Variants in MYRIP observed in about 807,000 individuals in gnomAD.
The protein encoded by MYRIP is rab effector MyRIP.
In MYRIP, 49 loss-of-function variants were observed where a neutral mutation model predicts 98.0. The ratio of observed to expected loss-of-function variants is 0.50; its 90% confidence interval spans 0.40 to 0.63. The LOEUF (loss-of-function observed/expected upper bound fraction) is 0.63. MYRIP is among the 30% of genes least tolerant of loss of function. The pLI is 0.00. For missense variants in MYRIP, 1,004 were observed against 1,058.2 expected, an observed-to-expected ratio of 0.95 and a Z score of 0.71; for synonymous variants, 404 against 409.5, an observed-to-expected ratio of 0.99 and a Z score of 0.16.
intron 3 of MYRIP, among the ~76,000 whole-genome samples, chr3:40,054,698 C>T (rs1032813446): frequency 6.6e-6 from 1 of 152,144 alleles, no homozygotes; most frequent in Admixed American, 6.6e-5. Flanking sequence ...AGCCTGCCAT[C>T]CACCCTACAA....
intron 2 of MYRIP, among the ~76,000 whole-genome samples, chr3:39,911,315 T>A (rs1459040886): frequency 2.0e-5 from 3 of 152,196 alleles, no homozygotes. Context: ...CTGATGCTCT[T>A]ATTTGCTTTT....
intron 11 of MYRIP, among the ~76,000 whole-genome samples, chr3:40,218,777 C>A (rs1952234455): frequency 6.6e-6 from 1 of 151,326 alleles, no homozygotes; most frequent in Admixed American, 6.6e-5. Flanking sequence ...GAAACATATT[C>A]TGTGTATAGA....
intron 1 of MYRIP, among the ~76,000 whole-genome samples, chr3:39,890,387 A>T (rs1943453083): frequency 6.6e-6 from 1 of 151,952 alleles, no homozygotes; most frequent in Non-Finnish European, 1.5e-5. Flanking sequence ...TCATTCATGG[A>T]TGTCATTTAT....
At chr3:39,990,198 G>A (rs1482370788) in intron 2 of MYRIP, among the ~76,000 whole-genome samples, 1 of 152,226 alleles carries the variant, frequency 6.6e-6, no homozygotes, top group Non-Finnish European at 1.5e-5. Flanking sequence ...TTTCCAGGCT[G>A]GGTAGTATGC....
chr3:40,004,881 A>G (rs1268160327), intron 2 of MYRIP, among the ~76,000 whole-genome samples: 2 of 152,118 alleles, frequency 1.3e-5, no homozygotes, highest in Admixed American at 1.3e-4. Flanking sequence ...TATTGATCCC[A>G]TCACCCAGTT....
chr3:40,253,757 AG>A (rs1953474590), intron 16 of MYRIP, among the ~76,000 whole-genome samples: 1 of 152,320 alleles, frequency 6.6e-6, no homozygotes, highest in Admixed American at 6.5e-5. Flanking sequence ...GCCGCTATTA[AG>A]GGTTCGTTTA....
At chr3:40,095,111 T>C (rs1268727350) in intron 3 of MYRIP, among the ~76,000 whole-genome samples, 4 of 150,504 alleles carry the variant, frequency 2.7e-5, no homozygotes, top group Non-Finnish European at 5.9e-5. Context: ...AGAGCAAGAG[T>C]TGGGGGTGAG....
At chr3:39,968,847 T>A (rs1945507842) in intron 2 of MYRIP, among the ~76,000 whole-genome samples, 2 of 152,138 alleles carry the variant, frequency 1.3e-5, no homozygotes, top group South Asian at 2.1e-4. Context: ...ATAGTTGTTT[T>A]CTAGTTCTAC....
intron 5 of MYRIP, among the ~76,000 whole-genome samples, chr3:40,165,010 C>T (rs182068186): frequency 3.9e-5 from 6 of 152,306 alleles, no homozygotes. Context: ...ACAAACGGTA[C>T]TCAGTAAACA....
intron 2 of MYRIP, among the ~76,000 whole-genome samples, chr3:39,989,987 A>T (rs965122296): frequency 5.3e-5 from 8 of 152,236 alleles, no homozygotes; most frequent in Admixed American, 3.3e-4. Flanking sequence ...CAAGGAGTCC[A>T]AACGGCTTAG....
chr3:40,174,055 A>C lies in MYRIP; in HGVS notation c.873+3962A>C, dbSNP rs1050042566. On this transcript the variant is annotated intron_variant, in intron 8 of 16. Transcript: ENST00000302541. Reference sequence around the variant, plus strand: ...ATTCAACACTTCACAAGATATGTCCACCTTCCCCCGGCTTGAATCTACCTT... The same window carrying C: ...ATTCAACACTTCACAAGATATGTCCCCCTTCCCCCGGCTTGAATCTACCTT... 2.0e-5 allele frequency: 3 copies of C among 152,304 alleles called. No individual in the cohort carries two copies. The East Asian group carries it at 5.8e-4, about 29-fold the overall frequency. 9.4% of individuals were successfully genotyped at this position (152,304 alleles called of 1,614,324 possible). A position where few individuals can be genotyped will look rare whatever the true frequency, so the allele number is the denominator to read the frequency against.
chr3:39,948,797 T>G (rs1018826322), intron 2 of MYRIP, among the ~76,000 whole-genome samples: 1 of 152,134 alleles, frequency 6.6e-6, no homozygotes, highest in African/African-American at 2.4e-5. Context: ...AAGATTTTCA[T>G]GAAGCCCAGA....
chr3:40,108,286 G>A (rs1029095699), intron 3 of MYRIP, among the ~76,000 whole-genome samples: 2 of 150,574 alleles, frequency 1.3e-5, no homozygotes, highest in African/African-American at 4.9e-5. Flanking sequence ...AAAAGACAGA[G>A]TTTATAATTT....
At chr3:40,182,177 T>C (rs1950897872) in intron 8 of MYRIP, 43 bp from the exon 9 acceptor site, 4 of 1,547,904 alleles carry the variant, frequency 2.6e-6, no homozygotes, top group African/African-American at 1.4e-5. Flanking sequence ...TCCCAGGCAC[T>C]GTACCTTATG....
chr3:40,166,970 G>T (rs757050647), intron 6 of MYRIP, 27 bp downstream of exon 6: 39 of 1,561,084 alleles, frequency 2.5e-5, no homozygotes, highest in African/African-American at 5.4e-5. Context: ...TCCTCTCTGT[G>T]GGGGGAGGTG....
intron 2 of MYRIP, among the ~76,000 whole-genome samples, chr3:39,904,902 G>C (rs1004645509): frequency 6.6e-6 from 1 of 152,188 alleles, no homozygotes; most frequent in Admixed American, 6.5e-5. Context: ...TAGCAGGACT[G>C]TTGGGGGAAG....
chr3:40,106,204 A>T (rs1949047164), intron 3 of MYRIP, among the ~76,000 whole-genome samples: 2 of 152,228 alleles, frequency 1.3e-5, no homozygotes, highest in South Asian at 2.1e-4. Flanking sequence ...TGGCACAATC[A>T]CATCCCCCTT....
At chr3:40,173,112 A>C (rs1237055192) in intron 8 of MYRIP, 3 of 152,218 alleles carry the variant, frequency 2.0e-5, no homozygotes, top group Non-Finnish European at 4.4e-5. Flanking sequence ...AGTGATGGTC[A>C]GGTATCTATA....
chr3:39,990,222 C>G (rs1287961799), intron 2 of MYRIP, among the ~76,000 whole-genome samples: 1 of 152,178 alleles, frequency 6.6e-6, no homozygotes, highest in Admixed American at 6.5e-5. Flanking sequence ...TTCACTGACT[C>G]CCTTGGCTGG....
Sources: allele counts gnomAD v4.1 joint callset (sites outside exome capture counted in the v4.1 genomes callset), GRCh38; gene constraint gnomAD v4.1.1; transcripts MANE v1.5; gene names NCBI Gene and HGNC (gene_info 2026-07-23, HGNC 2026-07-21).